The following RBMS3 variants were observed in gnomAD, a reference collection of about 807,000 sequenced individuals.
RBMS3 encodes RNA binding motif single stranded interacting protein 3, also known as RNA-binding motif, single-stranded-interacting protein 3.
A neutral mutation model predicts 66.8 loss-of-function variants in RBMS3; 27 were observed. That is an observed-to-expected ratio of 0.40 (90% CI 0.30 to 0.56). RBMS3 has a LOEUF of 0.56. Ranked by LOEUF, RBMS3 falls within the 20% of genes least tolerant of loss-of-function variation. The pLI, the probability that RBMS3 is intolerant of heterozygous loss-of-function variation, is 0.40. For missense variants in RBMS3, 513 were observed against 549.5 expected (o/e 0.93, Z 0.66); for synonymous variants, 188 against 183.0 (o/e 1.03, Z -0.22).
chr3:29,330,661 A>T (rs910599035), intron 1 of RBMS3, among the ~76,000 whole-genome samples: 1 of 152,040 alleles, frequency 6.6e-6, no homozygotes, highest in Non-Finnish European at 1.5e-5. Context: ...ATAATACCTT[A>T]TGTTCTCTAA....
At chr3:29,346,396 C>CTTTTTTTT (rs34803214) in intron 1 of RBMS3, among the ~76,000 whole-genome samples, 54 of 59,990 alleles carry the variant, frequency 9.0e-4, no homozygotes, top group Non-Finnish European at 1.1e-3. Flanking sequence ...GCAATTCATT[C>CTTTTTTTT]TTTTTTTTTT....
intron 2 of RBMS3, among the ~76,000 whole-genome samples, chr3:29,442,789 C>T (rs2041675677): frequency 6.6e-6 from 1 of 152,074 alleles, no homozygotes; most frequent in South Asian, 2.1e-4. Flanking sequence ...TGTTACTTGA[C>T]CCTGTTGACC....
At chr3:29,306,879 T>C (rs1311696445) in intron 1 of RBMS3, among the ~76,000 whole-genome samples, 1 of 151,922 alleles carries the variant, frequency 6.6e-6, no homozygotes, top group Non-Finnish European at 1.5e-5. Context: ...AGTCTTCTGA[T>C]ATTAAAATTA....
At chr3:29,553,806 AT>A (rs1031206771) in intron 3 of RBMS3, among the ~76,000 whole-genome samples, 1 of 101,446 alleles carries the variant, frequency 9.9e-6, no homozygotes, top group Non-Finnish European at 2.0e-5. Context: ...TAACTGGCTA[AT>A]TAAAAAAAAA....
At chr3:29,714,348 C>A (rs989654437) in intron 4 of RBMS3, among the ~76,000 whole-genome samples, 3 of 152,196 alleles carry the variant, frequency 2.0e-5, no homozygotes, top group African/African-American at 7.2e-5. Flanking sequence ...AGTTTTGTGG[C>A]CTATGCAACA....
chr3:29,490,042 CA>C (rs1245001930), intron 3 of RBMS3, among the ~76,000 whole-genome samples: 4,082 of 49,994 alleles, frequency 0.082, 61 homozygotes, highest in African/African-American at 0.2. Flanking sequence ...GACTCCCTCT[CA>C]AAAAAAAAAA....
chr3:29,940,979 G>A (rs9838589), intron 11 of RBMS3, among the ~76,000 whole-genome samples: 134,926 of 151,872 alleles, frequency 0.89, 60,033 homozygotes, highest in East Asian at 0.99. Flanking sequence ...GAACCTCCAA[G>A]TTGCATGACA....
At chr3:29,918,196 C>A (rs907977718) in intron 10 of RBMS3, among the ~76,000 whole-genome samples, 18 of 151,856 alleles carry the variant, frequency 1.2e-4, no homozygotes, top group African/African-American at 4.4e-4. Flanking sequence ...ATAATTTAAC[C>A]TAGAGTAAAT....
chr3:29,329,924 A>AAT (rs1491416229), intron 1 of RBMS3, among the ~76,000 whole-genome samples: 6 of 148,188 alleles, frequency 4.0e-5, no homozygotes, highest in Non-Finnish European at 7.4e-5. Context: ...CTATAGAATT[A>AAT]ATATATATAT....
chr3:29,928,166 C>T (rs1363451742), intron 10 of RBMS3, among the ~76,000 whole-genome samples: 3 of 136,422 alleles, frequency 2.2e-5, no homozygotes, highest in Non-Finnish European at 4.6e-5. Context: ...AACTGGTCTG[C>T]TCCTCTTCAA....
intron 4 of RBMS3, among the ~76,000 whole-genome samples, chr3:29,670,258 A>C (rs2050938971): frequency 1.3e-5 from 2 of 152,316 alleles, no homozygotes; most frequent in African/African-American, 4.8e-5. Context: ...TTGAAGATTT[A>C]ATTAGTTAAG....
intron 6 of RBMS3, chr3:29,797,832 G>C (rs28595225): frequency 5.8e-4 from 88 of 152,248 alleles, no homozygotes; most frequent in African/African-American, 2.0e-3. Context: ...GCATTTGGTA[G>C]GTATGGGTAT....
At chr3:29,446,593 C>T (rs1397125173) in intron 2 of RBMS3, among the ~76,000 whole-genome samples, 1 of 151,930 alleles carries the variant, frequency 6.6e-6, no homozygotes, top group Non-Finnish European at 1.5e-5. Flanking sequence ...AATTAAAATA[C>T]AGCATAAAAC....
chr3:29,857,536 T>C (rs945210564), intron 6 of RBMS3, among the ~76,000 whole-genome samples: 3 of 144,676 alleles, frequency 2.1e-5, no homozygotes, highest in East Asian at 3.9e-4. Context: ...CTTGTGGAAA[T>C]GTGGGGACTC....
chr3:29,482,405 A>G (rs1461434376), intron 2 of RBMS3, among the ~76,000 whole-genome samples: 1 of 152,150 alleles, frequency 6.6e-6, no homozygotes, highest in Non-Finnish European at 1.5e-5. Context: ...TAATTAAAGA[A>G]CAAGGAAAGG....
chr3:29,600,920 C>A (rs1286598848), intron 4 of RBMS3, among the ~76,000 whole-genome samples: 1 of 151,840 alleles, frequency 6.6e-6, no homozygotes, highest in East Asian at 1.9e-4. Flanking sequence ...ATGACAATAT[C>A]ATAATAAAAA....
chr3:29,438,156 C>G (rs992070713), intron 2 of RBMS3, among the ~76,000 whole-genome samples: 1 of 152,046 alleles, frequency 6.6e-6, no homozygotes, highest in Non-Finnish European at 1.5e-5. Flanking sequence ...TCATCTCACA[C>G]TTTAAAATAA....
chr3:29,949,490 T>G (rs1695537687), intron 12 of RBMS3, among the ~76,000 whole-genome samples: 1 of 151,838 alleles, frequency 6.6e-6, no homozygotes, highest in African/African-American at 2.4e-5. Context: ...CCCTGCTCTC[T>G]CTAATCAATT....
At chr3:29,672,233 T>C (rs1008409403) in intron 4 of RBMS3, among the ~76,000 whole-genome samples, 1 of 152,140 alleles carries the variant, frequency 6.6e-6, no homozygotes, top group African/African-American at 2.4e-5. Context: ...GACAAGCAAA[T>C]GCTGAGAGAT....
Sources: gnomAD v4.1 joint callset for allele counts (sites outside exome capture counted in the v4.1 genomes callset) on GRCh38, gnomAD v4.1.1 for gene constraint, MANE v1.5 for transcripts, NCBI Gene and HGNC (gene_info 2026-07-23, HGNC 2026-07-21) for gene names.